Variants in PARN observed in about 807,000 individuals in gnomAD.
PARN encodes poly(A)-specific ribonuclease, also known as poly(A)-specific ribonuclease PARN.
A neutral mutation model predicts 102.8 loss-of-function variants in PARN; 71 were observed. The ratio of observed to expected loss-of-function variants is 0.69; its 90% CI spans 0.57 to 0.84. PARN has a LOEUF of 0.84. Ranked by LOEUF, PARN falls within the 40% of genes least tolerant of loss-of-function variation. PARN has a pLI of 0.00. For missense variants in PARN, 782 were observed against 760.9 expected (o/e 1.03, Z -0.33); for synonymous variants, 261 against 252.9 (o/e 1.03, Z -0.30).
At chr16:14,482,871 G>C (rs1206888921) in intron 21 of PARN, 44 bp from the exon 22 acceptor site, 9 of 1,489,008 alleles carry the variant, frequency 6.0e-6, no homozygotes, top group African/African-American at 1.4e-5. Flanking sequence ...CAAAAGTCTG[G>C]CCTAGCCCCA....
At chr16:14,540,769 TG>T (rs1179586411) in intron 21 of PARN, among the ~76,000 whole-genome samples, 5 of 151,710 alleles carry the variant, frequency 3.3e-5, no homozygotes, top group Non-Finnish European at 7.4e-5. Context: ...CTGGGCAACA[TG>T]GCAAATCCTT....
intron 22 of PARN, among the ~76,000 whole-genome samples, chr16:14,453,499 G>T (rs1387713350): frequency 6.6e-6 from 1 of 152,108 alleles, no homozygotes; most frequent in Non-Finnish European, 1.5e-5. Flanking sequence ...TGTACAGTTT[G>T]GTTAACTTTG....
At position 14,435,895 on chromosome 16, in the gene PARN, TTCACACACAC is replaced by T. The variant is rs1425318969; in HGVS notation, c.*812_*821del. The T allele has an allele frequency of 2.0e-4, 22 of 108,070 alleles. No homozygotes were observed. Among genetic ancestry groups the T allele is most frequent in the Admixed American group, 1.5e-3 (15 of 10,244 alleles). 6.7% of individuals were successfully genotyped at this position (108,070 alleles called of 1,614,324 possible). Reference sequence around the variant, plus strand: ...GGGACATGTTGTAGATTTGCACGATTTCACACACACACACACACACACACACACACACACA... The same window carrying T: ...GGGACATGTTGTAGATTTGCACGATTACACACACACACACACACACACACA... On this transcript the variant is annotated 3_prime_UTR_variant, in exon 24 of 24. Transcript: ENST00000437198.
chr16:14,502,058 G>C (rs1964649852), intron 21 of PARN, among the ~76,000 whole-genome samples: 2 of 152,230 alleles, frequency 1.3e-5, no homozygotes, highest in South Asian at 4.1e-4. Context: ...ACAATGGAAT[G>C]AGTGTGTACA....
At chr16:14,510,476 A>C (rs1567334494) in intron 21 of PARN, among the ~76,000 whole-genome samples, 2 of 152,226 alleles carry the variant, frequency 1.3e-5, no homozygotes, top group African/African-American at 4.8e-5. Flanking sequence ...ACTGAACCAC[A>C]AATTATATAG....
At chr16:14,625,508 A>T (rs1008516811) in intron 5 of PARN, among the ~76,000 whole-genome samples, 2 of 152,220 alleles carry the variant, frequency 1.3e-5, no homozygotes, top group African/African-American at 4.8e-5. Context: ...AAGAAAAAAA[A>T]GAAAAGAAAA....
chr16:14,533,853 C>G (rs1966491014), intron 21 of PARN, among the ~76,000 whole-genome samples: 1 of 152,222 alleles, frequency 6.6e-6, no homozygotes, highest in African/African-American at 2.4e-5. Context: ...CCACAAGACA[C>G]TGATTCCTTG....
intron 21 of PARN, among the ~76,000 whole-genome samples, chr16:14,545,816 T>C (rs1447920310): frequency 1.3e-5 from 2 of 152,228 alleles, no homozygotes; most frequent in African/African-American, 2.4e-5. Context: ...TATTAATATG[T>C]TGACCTACCA....
At chr16:14,599,548 C>T (rs1480007078) in intron 12 of PARN, among the ~76,000 whole-genome samples, 1 of 152,174 alleles carries the variant, frequency 6.6e-6, no homozygotes, top group East Asian at 1.9e-4. Context: ...GGGAACAAAA[C>T]ACCTTCAGTC....
intron 18 of PARN, among the ~76,000 whole-genome samples, chr16:14,564,842 C>T (rs118166008): frequency 0.028 from 4,285 of 152,238 alleles, 82 homozygotes; most frequent in Non-Finnish European, 0.041. Context: ...CAAGACTACA[C>T]TTCCGATTTC....
At chr16:14,473,350 T>C (rs1333403350) in intron 22 of PARN, among the ~76,000 whole-genome samples, 5 of 152,188 alleles carry the variant, frequency 3.3e-5, no homozygotes, top group Admixed American at 2.0e-4. Flanking sequence ...ACTTAACTTA[T>C]AAGATCTACA....
intron 12 of PARN, among the ~76,000 whole-genome samples, chr16:14,599,669 CCCT>C (rs1567433685): frequency 6.6e-6 from 1 of 152,020 alleles, no homozygotes; most frequent in Non-Finnish European, 1.5e-5. Context: ...CATAGTGTAA[CCCT>C]CCTATGCATT....
rs377105548 is a variant in PARN at position 14,627,249 on chromosome 16, C to A, written c.245+20G>T. On this transcript the variant is annotated intron_variant, in intron 4 of 23. Transcript: ENST00000437198. ...TGTGCCACAAAAACGGAATTCCCAA[C>A]GTTTGTTAACACAACCTACTTTGAA... The A allele has an allele frequency of 3.2e-6, 5 of 1,586,886 alleles. No homozygotes were observed. The Admixed American group carries it at 7.1e-5, about 23-fold the overall frequency.
intron 13 of PARN, 56 bp downstream of exon 13, chr16:14,593,245 T>C: frequency 1.1e-6 from 1 of 930,412 alleles, no homozygotes; most frequent in South Asian, 1.4e-5. Context: ...ATAATAATAT[T>C]TTTTCAGATA....
At chr16:14,557,167 A>T (rs1204337689) in intron 18 of PARN, among the ~76,000 whole-genome samples, 1 of 152,186 alleles carries the variant, frequency 6.6e-6, no homozygotes, top group Non-Finnish European at 1.5e-5. Flanking sequence ...GGTAGAGACA[A>T]CATTATACAG....
intron 21 of PARN, among the ~76,000 whole-genome samples, chr16:14,488,872 C>CAA (rs974390272): frequency 4.7e-5 from 6 of 127,536 alleles, no homozygotes; most frequent in Non-Finnish European, 5.1e-5. Context: ...CAATAGTTTC[C>CAA]AAAAAAAAAA....
intron 4 of PARN, 31 bp downstream of exon 4, chr16:14,627,238 G>A (rs779082645): frequency 1.5e-5 from 24 of 1,581,580 alleles, no homozygotes; most frequent in South Asian, 3.4e-5. Flanking sequence ...CCACAAAAAC[G>A]GAATTCCCAA....
intron 1 of PARN, 123 bp from the exon 2 acceptor site, chr16:14,629,797 C>T: frequency 1.3e-6 from 1 of 775,408 alleles, no homozygotes; most frequent in Non-Finnish European, 2.2e-6. Flanking sequence ...CGGAGGTGTG[C>T]ACCGGGGCGA....
At chr16:14,586,572 A>G (rs1210600653) in intron 13 of PARN, among the ~76,000 whole-genome samples, 2 of 152,160 alleles carry the variant, frequency 1.3e-5, no homozygotes, top group Non-Finnish European at 2.9e-5. Flanking sequence ...ATAACCTGAT[A>G]ACTAACTTCT....
Sources: allele counts gnomAD v4.1 joint callset (sites outside exome capture counted in the v4.1 genomes callset), GRCh38; gene constraint gnomAD v4.1.1; transcripts MANE v1.5; gene names NCBI Gene and HGNC (gene_info 2026-07-23, HGNC 2026-07-21).